GRIP1: variants seen among roughly 807,000 people sequenced by gnomAD.
GRIP1 encodes the protein glutamate receptor-interacting protein 1.
A neutral mutation model predicts 129.9 loss-of-function variants in GRIP1; 45 were observed. That is an observed-to-expected ratio of 0.35 (90% CI 0.27 to 0.44). The LOEUF is 0.44. Among genes scored for constraint, GRIP1 ranks in the 20% least tolerant of loss-of-function variants. GRIP1 has a pLI of 1.00. For synonymous variants in GRIP1, 530 were observed against 520.8 expected (o/e 1.02, Z -0.24); for missense variants, 1,196 against 1,396.8 (o/e 0.86, Z 2.29).
chr12:66,480,671 G>T (rs1310234851), intron 7 of GRIP1, among the ~76,000 whole-genome samples: 2 of 152,210 alleles, frequency 1.3e-5, no homozygotes, highest in South Asian at 2.1e-4. Flanking sequence ...ATACTACAAG[G>T]CTACAGTAAC....
chr12:66,843,989 A>G (rs1319033427), intron 1 of GRIP1, among the ~76,000 whole-genome samples: 1 of 152,212 alleles, frequency 6.6e-6, no homozygotes, highest in Non-Finnish European at 1.5e-5. Flanking sequence ...CATGCATGAA[A>G]TAACACAATC....
At chr12:66,817,275 A>C (rs1167720668) in intron 1 of GRIP1, among the ~76,000 whole-genome samples, 1 of 151,474 alleles carries the variant, frequency 6.6e-6, no homozygotes, top group African/African-American at 2.4e-5. Flanking sequence ...TTTCATTTTA[A>C]AGCGTAAATT....
At chr12:66,878,420 G>C (rs550236792) in intron 1 of GRIP1, among the ~76,000 whole-genome samples, 2 of 151,936 alleles carry the variant, frequency 1.3e-5, no homozygotes, top group South Asian at 4.2e-4. Flanking sequence ...AGTGTGAGAG[G>C]GGAGGTACTC....
intron 1 of GRIP1, among the ~76,000 whole-genome samples, chr12:66,989,776 G>C (rs2042367432): frequency 1.3e-5 from 2 of 152,144 alleles, no homozygotes; most frequent in Non-Finnish European, 2.9e-5. Flanking sequence ...GGAATCCCTG[G>C]CTCCAACATG....
intron 1 of GRIP1, among the ~76,000 whole-genome samples, chr12:66,750,138 T>C (rs2037079457): frequency 2.0e-5 from 3 of 152,220 alleles, no homozygotes; most frequent in Admixed American, 2.0e-4. Flanking sequence ...TATATCAGCT[T>C]ACTTTCCTTT....
chr12:66,788,774 C>A (rs890558960), intron 1 of GRIP1, among the ~76,000 whole-genome samples: 1 of 152,074 alleles, frequency 6.6e-6, no homozygotes, highest in Non-Finnish European at 1.5e-5. Context: ...GATCCCTCCC[C>A]ATTCCAGCCG....
At chr12:67,057,949 T>G (rs138351136) in intron 1 of GRIP1, among the ~76,000 whole-genome samples, 1,864 of 152,372 alleles carry the variant, frequency 0.012, 32 homozygotes, top group African/African-American at 0.043. Flanking sequence ...AATGCAATTC[T>G]AAATGCCACT....
In GRIP1 at chr12:66,595,283, G is replaced by C. The variant is rs542186479; in HGVS notation, c.136+1564C>G. Among the ~76,000 whole-genome samples the C allele has an allele frequency of 2.0e-5, 3 of 152,274 alleles. No homozygotes were observed. In the South Asian group the frequency reaches 6.2e-4, roughly 32 times the overall value. ...TGTGCCACAAACCAGGGATTATGATGAACCAATTCTGTGTATTTAACATGT... is the reference window on the plus strand; with the variant it reads ...TGTGCCACAAACCAGGGATTATGATCAACCAATTCTGTGTATTTAACATGT... On this transcript the variant is annotated intron_variant, in intron 2 of 24. Transcript: ENST00000359742.
intron 1 of GRIP1, among the ~76,000 whole-genome samples, chr12:66,730,868 C>T (rs1353285729): frequency 6.6e-6 from 1 of 152,066 alleles, no homozygotes; most frequent in Non-Finnish European, 1.5e-5. Flanking sequence ...GTGCCTTTGG[C>T]TGCCCTGTCA....
chr12:66,519,124 T>A (rs2060929323), intron 5 of GRIP1, among the ~76,000 whole-genome samples: 1 of 152,252 alleles, frequency 6.6e-6, no homozygotes, highest in South Asian at 2.1e-4. Flanking sequence ...AAGGTCAACT[T>A]ATAGAAAATA....
At chr12:67,000,886 T>C (rs1368052679) in intron 1 of GRIP1, among the ~76,000 whole-genome samples, 5 of 152,192 alleles carry the variant, frequency 3.3e-5, no homozygotes, top group Admixed American at 3.3e-4. Flanking sequence ...TGAAAACTGT[T>C]TCAGGATAAG....
intron 1 of GRIP1, among the ~76,000 whole-genome samples, chr12:66,884,529 G>C (rs1210329838): frequency 6.6e-6 from 1 of 152,112 alleles, no homozygotes; most frequent in East Asian, 1.9e-4. Flanking sequence ...TGCAGCTTAA[G>C]ATATTACTAT....
chr12:66,580,951 A>G (rs1463134584), intron 2 of GRIP1, among the ~76,000 whole-genome samples: 2 of 152,168 alleles, frequency 1.3e-5, no homozygotes, highest in East Asian at 1.9e-4. Flanking sequence ...TCAACAGAAT[A>G]TACATTTTTT....
chr12:66,867,017 C>T (rs1043227525), intron 1 of GRIP1, among the ~76,000 whole-genome samples: 1 of 152,170 alleles, frequency 6.6e-6, no homozygotes, highest in East Asian at 1.9e-4. Context: ...GAGACAGACT[C>T]TCACTCTGTT....
intron 1 of GRIP1, among the ~76,000 whole-genome samples, chr12:66,958,114 G>C (rs1192481910): frequency 1.3e-5 from 2 of 151,970 alleles, no homozygotes; most frequent in African/African-American, 4.8e-5. Context: ...GTGTCTCTTT[G>C]AATGAAATAC....
rs567057802 is a variant in GRIP1 at position 66,377,476 on chromosome 12, T to C, written c.2622-191A>G. On this transcript the variant is annotated intron_variant, in intron 20 of 24. Transcript: ENST00000359742. ...CCGAGTAGCTGGGACTACAGGCGCC[T>C]GCCACCACGCCTGGCTAATTTTTTT... Among the ~76,000 whole-genome samples, 46 of 149,844 alleles carry C rather than the reference T, an allele frequency of 3.1e-4. 1 individual carries two copies. The highest frequency in any genetic ancestry group is 1.4e-3 in the East Asian group (7 of 5,110).
intron 1 of GRIP1, among the ~76,000 whole-genome samples, chr12:66,685,499 C>T (rs1050104664): frequency 1.3e-5 from 2 of 151,934 alleles, no homozygotes; most frequent in Non-Finnish European, 2.9e-5. Flanking sequence ...TATATTTATC[C>T]AAATTAAAAA....
upstream of GRIP1, among the ~76,000 whole-genome samples, chr12:66,808,959 G>A (rs1276418575): frequency 1.3e-5 from 2 of 152,202 alleles, no homozygotes; most frequent in African/African-American, 2.4e-5. Flanking sequence ...AAGAAAGCAG[G>A]CTATTATAAT....
chr12:66,399,677 C>T (rs981162853), intron 16 of GRIP1, among the ~76,000 whole-genome samples: 2 of 151,896 alleles, frequency 1.3e-5, no homozygotes, highest in African/African-American at 2.4e-5. Flanking sequence ...ATGTTATTTT[C>T]AGGCTTCTTG....
Sources: allele counts gnomAD v4.1 joint callset (sites outside exome capture counted in the v4.1 genomes callset), GRCh38; gene constraint gnomAD v4.1.1; transcripts MANE v1.5; gene names NCBI Gene and HGNC (gene_info 2026-07-23, HGNC 2026-07-21).